The following TNIK variants were observed in gnomAD, a reference collection of about 807,000 sequenced individuals.
TNIK encodes TRAF2 and NCK interacting kinase, also known as TRAF2 and NCK-interacting protein kinase.
In TNIK, 49 loss-of-function variants were observed where a neutral mutation model predicts 191.3. The ratio of observed to expected loss-of-function variants is 0.26; its 90% CI spans 0.20 to 0.32. TNIK has a LOEUF of 0.32. Ranked by LOEUF, TNIK falls within the 10% of genes least tolerant of loss-of-function variation. TNIK has a pLI of 1.00. For missense variants in TNIK, 1,155 were observed against 1,702.3 expected (o/e 0.68, Z 5.66); for synonymous variants, 594 against 600.9 (o/e 0.99, Z 0.17).
rs867852038 is a variant in TNIK, at chr3:171,157,501, G to A, written c.1180C>T (p.Arg394Cys). Reference sequence around the variant, plus strand: ...CTCTGCTCTTTCTGCTCCTCGATGCGCTTCTGACGCTCGGCCAGCAGCTGC... The same window carrying A: ...CTCTGCTCTTTCTGCTCCTCGATGCACTTCTGACGCTCGGCCAGCAGCTGC... ...KRQLLAERQK[R>C]IEEQKEQRRR... The change falls in exon 12 of 33, where the codon CGC (arginine) becomes TGC (cysteine). Residue 394 changes from arginine (R) to cysteine (C), a missense_variant. Arg to Cys is a radical substitution (Grantham distance 180). Transcript: ENST00000436636. 4.4e-6 allele frequency: 7 copies of A among 1,575,318 alleles called. No individual in the cohort carries two copies. The highest frequency in any genetic ancestry group is 1.2e-5 in the South Asian group (1 of 85,362).
intron 1 of TNIK, among the ~76,000 whole-genome samples, chr3:171,402,394 G>A (rs16856302): frequency 0.16 from 24,096 of 152,216 alleles, 2,112 homozygotes; most frequent in South Asian, 0.3. Flanking sequence ...AAATGTATTC[G>A]GTGTCCAATG....
At position 171,071,207 on chromosome 3, in the gene TNIK, T is replaced by C. The variant is rs1324262675; in HGVS notation, c.3549+16A>G. On this transcript the variant is annotated intron_variant, in intron 29 of 32. Transcript: ENST00000436636. ...TTTTTAAAAAGCACATTTTAGATAATCACATCCCTGCTTACCTTAAATGCC... is the reference window on the plus strand; with the variant it reads ...TTTTTAAAAAGCACATTTTAGATAACCACATCCCTGCTTACCTTAAATGCC... 6.4e-7 allele frequency: 1 copy of C among 1,568,894 alleles called. No individual in the cohort carries two copies. Among genetic ancestry groups the C allele is most frequent in the Admixed American group, 2.0e-5 (1 of 51,108 alleles).
intron 10 of TNIK, among the ~76,000 whole-genome samples, chr3:171,161,715 G>T (rs891300367): frequency 6.6e-6 from 1 of 151,890 alleles, no homozygotes; most frequent in African/African-American, 2.4e-5. Context: ...TCAGGAGATC[G>T]AGACCATCCT....
At chr3:171,339,493 G>A (rs541374224) in intron 2 of TNIK, among the ~76,000 whole-genome samples, 3 of 152,272 alleles carry the variant, frequency 2.0e-5, no homozygotes, top group Non-Finnish European at 4.4e-5. Context: ...GAAGCTTTTC[G>A]TCATTAGAAT....
intron 4 of TNIK, among the ~76,000 whole-genome samples, chr3:171,195,717 G>C (rs1376322118): frequency 6.6e-6 from 1 of 152,064 alleles, no homozygotes; most frequent in Non-Finnish European, 1.5e-5. Context: ...AGCCTGTTCT[G>C]ACTTGTCTTC....
intron 12 of TNIK, among the ~76,000 whole-genome samples, chr3:171,152,712 C>T (rs896586979): frequency 2.6e-5 from 4 of 152,004 alleles, no homozygotes; most frequent in Non-Finnish European, 5.9e-5. Flanking sequence ...CCAGAAAAGA[C>T]AGGAAATGAA....
chr3:171,329,860 G>A (rs1756219246), intron 2 of TNIK, among the ~76,000 whole-genome samples: 1 of 152,116 alleles, frequency 6.6e-6, no homozygotes, highest in Non-Finnish European at 1.5e-5. Context: ...TTTCTTTATG[G>A]CTTCCAGCTT....
chr3:171,358,557 A>C (rs1714500985), intron 2 of TNIK, among the ~76,000 whole-genome samples: 1 of 152,212 alleles, frequency 6.6e-6, no homozygotes, highest in Non-Finnish European at 1.5e-5. Context: ...GGGTAGGGAG[A>C]CAGCCAAACC....
At chr3:171,215,441 C>T (rs1741341868) in intron 3 of TNIK, among the ~76,000 whole-genome samples, 1 of 152,104 alleles carries the variant, frequency 6.6e-6, no homozygotes, top group African/African-American at 2.4e-5. Context: ...AAATGAGTCT[C>T]AGAGAAGTTA....
At position 171,069,043 on chromosome 3, in the gene TNIK, C is replaced by G. The variant is rs778827968; in HGVS notation, c.3550-46G>C. On this transcript the variant is annotated intron_variant, in intron 29 of 32. Transcript: ENST00000436636. ...GTATCCGCATCACTCAAAGAGGCATCTTAATTTTTTTCCTTTAGCCACTGT... is the reference window on the plus strand; with the variant it reads ...GTATCCGCATCACTCAAAGAGGCATGTTAATTTTTTTCCTTTAGCCACTGT... The G allele has an allele frequency of 7.7e-6, 12 of 1,562,824 alleles. No individual in the cohort carries two copies. The Admixed American group carries it at 2.4e-4, about 31-fold the overall frequency.
At position 171,443,608 on chromosome 3, in the gene TNIK, A is replaced by G. The variant is rs149797308; in HGVS notation, c.57+16399T>C. The stretch of plus-strand genomic sequence containing the variant: ...CAGCACTTTTGGGAGGCTGAGCCCA[A>G]GAGTTTGAGACCACGCTGGGCAACA... On this transcript the variant is annotated intron_variant, in intron 1 of 32. Transcript: ENST00000436636. 5.9e-5 allele frequency among the ~76,000 whole-genome samples: 9 copies of G among 152,140 alleles called. No individual in the cohort carries two copies. The East Asian group carries it at 1.7e-3, about 29-fold the overall frequency.
chr3:171,103,147 T>G (rs1470975547), intron 21 of TNIK, among the ~76,000 whole-genome samples: 1 of 152,056 alleles, frequency 6.6e-6, no homozygotes, highest in African/African-American at 2.4e-5. Context: ...AAATTCAACC[T>G]TTGCATTACA....
chr3:171,377,165 C>T (rs1301120814), intron 1 of TNIK, among the ~76,000 whole-genome samples: 2 of 152,164 alleles, frequency 1.3e-5, no homozygotes, highest in Non-Finnish European at 2.9e-5. Flanking sequence ...TTGGTATCCT[C>T]TTACTAATAC....
At position 171,105,519 on chromosome 3, in the gene TNIK, T is replaced by TACTCAAGATATCAGGATAGTC. The variant is rs1553811510; in HGVS notation, c.2406+1663_2406+1664insGACTATCCTGATATCTTGAGT. 3.3e-3 allele frequency among the ~76,000 whole-genome samples: 504 copies of TACTCAAGATATCAGGATAGTC among 152,158 alleles called. 1 individual carries two copies. The highest frequency in any genetic ancestry group is 0.012 in the African/African-American group (479 of 41,420). On this transcript the variant is annotated intron_variant, in intron 21 of 32. Coordinates refer to ENST00000436636, the MANE Select transcript of TNIK (RefSeq NM_015028.4). Reference sequence around the variant, plus strand: ...TTATTTTAGTGGTTTGGATCAGTGATACTCAAGAGATCAGGATAGTCACCT... The same window carrying TACTCAAGATATCAGGATAGTC: ...TTATTTTAGTGGTTTGGATCAGTGATACTCAAGATATCAGGATAGTCACTCAAGAGATCAGGATAGTCACCT...
At chr3:171,299,880 G>T (rs1008501565) in intron 2 of TNIK, among the ~76,000 whole-genome samples, 1 of 152,186 alleles carries the variant, frequency 6.6e-6, no homozygotes, top group African/African-American at 2.4e-5. Context: ...TAACGTACAA[G>T]GAGACAATTT....
intron 2 of TNIK, among the ~76,000 whole-genome samples, chr3:171,367,455 G>C (rs1715886016): frequency 1.1e-5 from 1 of 92,264 alleles, no homozygotes; most frequent in African/African-American, 4.3e-5. Context: ...ATCAACACAA[G>C]GCCCCATAGC....
intron 12 of TNIK, among the ~76,000 whole-genome samples, chr3:171,155,388 T>C (rs79764901): frequency 0.011 from 1,635 of 152,276 alleles, 23 homozygotes; most frequent in African/African-American, 0.038. Context: ...CACTGCGCTA[T>C]AGAATAAGAT....
intron 2 of TNIK, among the ~76,000 whole-genome samples, chr3:171,263,971 A>G (rs976888844): frequency 6.6e-6 from 1 of 151,700 alleles, no homozygotes; most frequent in African/African-American, 2.4e-5. Flanking sequence ...AGCTGGGACC[A>G]GGTCACCTGA....
At chr3:171,071,069 C>A (rs1719117511) in intron 29 of TNIK, among the ~76,000 whole-genome samples, 154 bp downstream of exon 29, 1 of 152,078 alleles carries the variant, frequency 6.6e-6, no homozygotes, top group African/African-American at 2.4e-5. Context: ...TCAGTCTTTA[C>A]TTTTGAAACA....
Sources: allele counts gnomAD v4.1 joint callset (sites outside exome capture counted in the v4.1 genomes callset), GRCh38; gene constraint gnomAD v4.1.1; transcripts MANE v1.5; gene names NCBI Gene and HGNC (gene_info 2026-07-23, HGNC 2026-07-21).